Variants in AMPH observed in about 807,000 individuals in gnomAD.
AMPH encodes amphiphysin (Stiff-Mann syndrome with breast cancer 128kD autoantigen).
A neutral mutation model predicts 99.1 loss-of-function variants in AMPH; 49 were observed. The observed-to-expected ratio is 0.49, with a 90% CI of 0.39 to 0.63. The LOEUF (loss-of-function observed/expected upper bound fraction) is 0.63, where lower values mean the gene tolerates loss of function less well. Among genes scored for constraint, AMPH ranks in the 20% least tolerant of loss-of-function variants. The probability of loss-of-function intolerance (pLI) is 0.00; values close to 1 mark genes in which losing one functional copy is unlikely to be tolerated. For missense variants in AMPH, 759 were observed against 863.4 expected (o/e 0.88, Z 1.52); for synonymous variants, 314 against 317.3 (o/e 0.99, Z 0.11).
At chr7:38,585,638 A>G (rs182633608) in intron 1 of AMPH, among the ~76,000 whole-genome samples, 42 of 152,364 alleles carry the variant, frequency 2.8e-4, no homozygotes, top group African/African-American at 9.6e-4. Flanking sequence ...ACAGAGCCAA[A>G]TTTAGCCTAA....
At chr7:38,435,880 C>A (rs988706999) in intron 12 of AMPH, among the ~76,000 whole-genome samples, 53 of 152,094 alleles carry the variant, frequency 3.5e-4, no homozygotes, top group Non-Finnish European at 1.5e-5. Context: ...CTTTAACTTG[C>A]AAAGTATGAG....
chr7:38,513,373 G>T (rs553876363), intron 2 of AMPH, among the ~76,000 whole-genome samples: 2 of 152,130 alleles, frequency 1.3e-5, no homozygotes, highest in African/African-American at 4.8e-5. Flanking sequence ...TTGCAGAAAC[G>T]AACAGGAGAC....
At position 38,441,129 on chromosome 7, in the gene AMPH, TA is replaced by T. The variant is rs201093266; in HGVS notation, c.1018-4742del. ...AAAGCTGTAGTAATTACATTAACAATAAAAAAAGTAGATCTCAAATCAAAGA... is the reference window on the plus strand; with the variant it reads ...AAAGCTGTAGTAATTACATTAACAATAAAAAAGTAGATCTCAAATCAAAGA... On this transcript the variant is annotated intron_variant, in intron 11 of 20. Transcript: ENST00000356264. Among the ~76,000 whole-genome samples the T allele has an allele frequency of 5.2e-3, 796 of 151,882 alleles. 9 individuals carry two copies. The highest frequency in any genetic ancestry group is 0.018 in the African/African-American group (746 of 41,442).
chr7:38,565,519 A>G (rs1791706890), intron 1 of AMPH, among the ~76,000 whole-genome samples: 1 of 152,206 alleles, frequency 6.6e-6, no homozygotes, highest in Non-Finnish European at 1.5e-5. Flanking sequence ...GTTTCTGAGT[A>G]AAGTCTAAAT....
chr7:38,539,930 T>A (rs1018889482), intron 1 of AMPH, among the ~76,000 whole-genome samples: 9 of 152,208 alleles, frequency 5.9e-5, no homozygotes, highest in Non-Finnish European at 1.0e-4. Flanking sequence ...AGAACTGAGA[T>A]GACTAAAAAC....
chr7:38,524,910 T>C (rs1037062767), intron 2 of AMPH, among the ~76,000 whole-genome samples: 6 of 152,038 alleles, frequency 3.9e-5, no homozygotes, highest in Non-Finnish European at 7.4e-5. Context: ...AGCACAGTCC[T>C]CACCACTCCT....
At chr7:38,442,751 C>T (rs139767280) in intron 11 of AMPH, among the ~76,000 whole-genome samples, 15 of 151,306 alleles carry the variant, frequency 9.9e-5, no homozygotes, top group African/African-American at 2.4e-4. Context: ...CAAAAAGGTC[C>T]GAAATTATTA....
chr7:38,481,532 A>G (rs1788280318), intron 5 of AMPH, among the ~76,000 whole-genome samples: 1 of 152,184 alleles, frequency 6.6e-6, no homozygotes, highest in South Asian at 2.1e-4. Flanking sequence ...ATATTTTACA[A>G]TAACTGCTCA....
Position 38,384,199 on chromosome 7 carries a change from TGA to T in AMPH, c.*617_*618del, listed in dbSNP as rs1165010214. ...GAGCAATGCATGTATCAATGACAAT[TGA>T]GAGGCAAAGAGCTACAATGGAAAGG... On this transcript the variant is annotated 3_prime_UTR_variant, in exon 21 of 21. Transcript: ENST00000356264. 2.6e-5 allele frequency: 4 copies of T among 152,600 alleles called. No individual in the cohort carries two copies. Among genetic ancestry groups the T allele is most frequent in the Non-Finnish European group, 5.9e-5 (4 of 68,308 alleles). The allele number at this position is 152,600 out of a possible 1,614,324, so 9.5% of individuals were successfully genotyped here.
At chr7:38,460,499 GAC>G in intron 11 of AMPH, among the ~76,000 whole-genome samples, 1 of 152,078 alleles carries the variant, frequency 6.6e-6, no homozygotes, top group African/African-American at 2.4e-5. Context: ...CAATGGTATA[GAC>G]ACACACACAC....
chr7:38,501,701 A>G (rs527902979), intron 3 of AMPH, among the ~76,000 whole-genome samples: 1 of 151,986 alleles, frequency 6.6e-6, no homozygotes, highest in South Asian at 2.1e-4. Context: ...ATTCAGTTCT[A>G]TACATCCACA....
chr7:38,394,068 T>G lies in AMPH; in HGVS notation c.1545A>C (p.Glu515Asp), dbSNP rs778203010. 8.1e-5 allele frequency: 131 copies of G among 1,614,044 alleles called. No homozygotes were observed. Among genetic ancestry groups the G allele is most frequent in the Non-Finnish European group, 1.1e-4 (128 of 1,180,032 alleles). ...GGGCACTCTCTGCACCCTCAGTGGT[T>G]TCAGTTCCAATTTTGGCCTCCTCTA... ...VSLEEAKIGT[E>D]TTEGAESAQP... is the part of the protein sequence containing the mutation. The change falls in exon 18 of 21, where the codon GAA (glutamate) becomes GAC (aspartate). Residue 515 changes from glutamate to aspartate, a missense_variant. Glu to Asp is a conservative substitution (Grantham distance 45, BLOSUM62 2). This residue lies in a region of AMPH where 554 missense variants were observed against 575.6 expected (regional missense o/e 0.96). Transcript: ENST00000356264.
At chr7:38,613,822 C>T (rs1265448732) in intron 1 of AMPH, among the ~76,000 whole-genome samples, 1 of 142,762 alleles carries the variant, frequency 7.0e-6, no homozygotes, top group Non-Finnish European at 1.5e-5. Context: ...AAAAAAATAG[C>T]AGCTTCTGTA....
At chr7:38,504,661 A>C (rs770687309) in intron 2 of AMPH, among the ~76,000 whole-genome samples, 2 of 152,202 alleles carry the variant, frequency 1.3e-5, no homozygotes, top group Non-Finnish European at 2.9e-5. Flanking sequence ...CCTGTCAGCT[A>C]TGTTTCTAGA....
chr7:38,397,607 G>T (rs955369957), intron 17 of AMPH, among the ~76,000 whole-genome samples: 10 of 152,202 alleles, frequency 6.6e-5, no homozygotes, highest in Non-Finnish European at 1.0e-4. Context: ...ACTGGGTAAA[G>T]ATTTCTTGAG....
At chr7:38,568,118 C>A (rs1791811046) in intron 1 of AMPH, among the ~76,000 whole-genome samples, 1 of 152,106 alleles carries the variant, frequency 6.6e-6, no homozygotes, top group Non-Finnish European at 1.5e-5. Flanking sequence ...AAAACAAAAC[C>A]AATTTTTCCT....
At chr7:38,387,962 T>C (rs1460312667) in intron 20 of AMPH, among the ~76,000 whole-genome samples, 1 of 152,072 alleles carries the variant, frequency 6.6e-6, no homozygotes, top group South Asian at 2.1e-4. Context: ...GAAACATGTT[T>C]AAAGAGTTGA....
intron 17 of AMPH, among the ~76,000 whole-genome samples, chr7:38,403,823 G>C (rs556294209): frequency 1.3e-5 from 2 of 152,372 alleles, no homozygotes; most frequent in African/African-American, 4.8e-5. Flanking sequence ...ATGCAGAGCA[G>C]ACTTCCCCTA....
intron 1 of AMPH, among the ~76,000 whole-genome samples, chr7:38,536,288 C>T (rs775353988): frequency 1.3e-5 from 2 of 152,128 alleles, no homozygotes; most frequent in African/African-American, 4.8e-5. Context: ...AATACAAGAA[C>T]TCATTTTCCT....
Sources: allele counts gnomAD v4.1 joint callset (sites outside exome capture counted in the v4.1 genomes callset), GRCh38; gene constraint gnomAD v4.1.1; regional missense constraint gnomAD v4.1.1; transcripts MANE v1.5; gene names NCBI Gene and HGNC (gene_info 2026-07-23, HGNC 2026-07-21).